The following HTR1E variants were observed in gnomAD, a reference collection of about 807,000 sequenced individuals.
HTR1E encodes 5-HT-1E.
In HTR1E, 3 loss-of-function variants were observed where a neutral mutation model predicts 3.4. The ratio of observed to expected loss-of-function variants is 0.89; its 90% CI spans 0.41 to 2.31. The LOEUF is 2.31. HTR1E is among the 30% of genes most tolerant of loss of function. The pLI is 0.05. For synonymous variants in HTR1E, 170 were observed against 182.8 expected (o/e 0.93, Z 0.56); for missense variants, 392 against 467.0 (o/e 0.84, Z 1.48).
intron 1 of HTR1E, among the ~76,000 whole-genome samples, chr6:86,980,254 G>C (rs1021857553): frequency 3.3e-5 from 5 of 152,074 alleles, no homozygotes; most frequent in African/African-American, 1.2e-4. Context: ...GGGCATGGTG[G>C]CGGGCGCCTG....
intron 1 of HTR1E, among the ~76,000 whole-genome samples, chr6:87,007,552 CTTG>C (rs1163407217): frequency 5.3e-5 from 8 of 152,136 alleles, no homozygotes; most frequent in Non-Finnish European, 1.0e-4. Flanking sequence ...GTGATGATTA[CTTG>C]TTGTATGCCT....
At chr6:86,999,374 A>G (rs899622082) in intron 1 of HTR1E, among the ~76,000 whole-genome samples, 3 of 152,246 alleles carry the variant, frequency 2.0e-5, no homozygotes, top group Non-Finnish European at 4.4e-5. Context: ...GTTAAAGTAT[A>G]TAGCAAAAGC....
At chr6:86,956,788 G>A (rs1767331964) in intron 1 of HTR1E, among the ~76,000 whole-genome samples, 1 of 152,158 alleles carries the variant, frequency 6.6e-6, no homozygotes, top group Non-Finnish European at 1.5e-5. Context: ...CTACTTGCTT[G>A]CCATATGATC....
chr6:87,002,342 A>T (rs1768036006), intron 1 of HTR1E, among the ~76,000 whole-genome samples: 3 of 152,234 alleles, frequency 2.0e-5, no homozygotes. Flanking sequence ...GGTGGTGTGG[A>T]CCCAAAGAGT....
At chr6:87,010,442 G>C (rs1249280375) in intron 1 of HTR1E, among the ~76,000 whole-genome samples, 3 of 151,106 alleles carry the variant, frequency 2.0e-5, no homozygotes, top group African/African-American at 7.3e-5. Flanking sequence ...GGGGCGACCG[G>C]GCAGAGACGC....
chr6:86,947,412 T>C (rs1768631652), intron 1 of HTR1E, among the ~76,000 whole-genome samples: 1 of 152,182 alleles, frequency 6.6e-6, no homozygotes, highest in Admixed American at 6.6e-5. Context: ...ATTTGGCAGA[T>C]ACAAAACAAG....
chr6:86,950,707 A>G (rs895495462), intron 1 of HTR1E, among the ~76,000 whole-genome samples: 5 of 152,184 alleles, frequency 3.3e-5, no homozygotes, highest in Admixed American at 2.0e-4. Flanking sequence ...GTTGTGTCCA[A>G]TTGGTTTCAT....
At chr6:86,987,284 G>C (rs2127826854) in intron 1 of HTR1E, among the ~76,000 whole-genome samples, 2 of 152,068 alleles carry the variant, frequency 1.3e-5, no homozygotes, top group Middle Eastern at 6.8e-3. Context: ...AGCTTTCTTA[G>C]GTTTTTTACT....
Position 87,016,516 on chromosome 6 carries a change from C to CCAAGT in HTR1E, c.*84_*85insCAAGT. 5 of 1,170,078 alleles carry CCAAGT rather than the reference C, an allele frequency of 4.3e-6. No homozygotes were observed. The highest frequency in any genetic ancestry group is 4.9e-6 in the Non-Finnish European group (4 of 823,032). 72.5% of individuals were successfully genotyped at this position (1,170,078 alleles called of 1,614,324 possible). On this transcript the variant is annotated 3_prime_UTR_variant, in exon 2 of 2. Transcript: ENST00000305344. ...GGGGTGCAACTTATTAATTCTTGAA[C>CCAAGT]ATACTTGGTTCAGGAGAGTTTGTAA...
At chr6:86,945,471 G>A (rs1000826380) in intron 1 of HTR1E, among the ~76,000 whole-genome samples, 2 of 151,914 alleles carry the variant, frequency 1.3e-5, no homozygotes, top group African/African-American at 2.4e-5. Flanking sequence ...TTGAACCCCC[G>A]ACCTCAAATG....
At chr6:86,972,564 G>A (rs755520513) in intron 1 of HTR1E, among the ~76,000 whole-genome samples, 5 of 152,000 alleles carry the variant, frequency 3.3e-5, no homozygotes, top group East Asian at 1.9e-4. Flanking sequence ...GAAACAAAAC[G>A]ATATATGTCA....
chr6:86,957,749 A>C (rs958258106), intron 1 of HTR1E, among the ~76,000 whole-genome samples: 17 of 152,220 alleles, frequency 1.1e-4, no homozygotes, highest in Non-Finnish European at 2.4e-4. Context: ...ATTTGCATGA[A>C]AAGGTTTCAA....
intron 1 of HTR1E, among the ~76,000 whole-genome samples, chr6:86,971,500 A>C (rs1264275434): frequency 6.6e-6 from 1 of 151,994 alleles, no homozygotes; most frequent in Non-Finnish European, 1.5e-5. Flanking sequence ...AGAACGTAAA[A>C]TTGTGGATAA....
intron 1 of HTR1E, among the ~76,000 whole-genome samples, chr6:86,946,205 C>G (rs1472503769): frequency 2.6e-5 from 4 of 152,224 alleles, no homozygotes; most frequent in African/African-American, 9.7e-5. Flanking sequence ...TCGCTCAACA[C>G]TGACTCACTG....
chr6:86,996,225 A>T (rs1414536648), intron 1 of HTR1E, among the ~76,000 whole-genome samples: 1 of 152,178 alleles, frequency 6.6e-6, no homozygotes, highest in African/African-American at 2.4e-5. Context: ...TAGACCTCAG[A>T]AAACTCAAAA....
At chr6:86,967,047 T>C (rs1767481592) in intron 1 of HTR1E, among the ~76,000 whole-genome samples, 1 of 152,186 alleles carries the variant, frequency 6.6e-6, no homozygotes, top group South Asian at 2.1e-4. Flanking sequence ...CATGTACCCA[T>C]GTGCCATGGC....
chr6:86,975,626 C>T (rs1366203524), intron 1 of HTR1E, among the ~76,000 whole-genome samples: 1 of 151,612 alleles, frequency 6.6e-6, no homozygotes, highest in East Asian at 1.9e-4. Context: ...CCAGGATGCC[C>T]GTACATGGAC....
intron 1 of HTR1E, among the ~76,000 whole-genome samples, chr6:87,014,193 G>A (rs772212609): frequency 1.3e-5 from 2 of 151,118 alleles, no homozygotes; most frequent in Admixed American, 6.6e-5. Context: ...AAACCAACAC[G>A]GCACATGTAT....
chr6:86,998,773 G>A (rs930701984), intron 1 of HTR1E, among the ~76,000 whole-genome samples: 4 of 151,972 alleles, frequency 2.6e-5, no homozygotes, highest in African/African-American at 7.2e-5. Context: ...TAAGTCATTC[G>A]AAAGCTGGTT....
Sources: gnomAD v4.1 joint callset for allele counts (sites outside exome capture counted in the v4.1 genomes callset) on GRCh38, gnomAD v4.1.1 for gene constraint, MANE v1.5 for transcripts, NCBI Gene and HGNC (gene_info 2026-07-23, HGNC 2026-07-21) for gene names.